Variants in EMP2 observed in about 807,000 individuals in gnomAD.
The protein encoded by EMP2 is epithelial membrane protein 2.
In EMP2, 19 loss-of-function variants were observed where a neutral mutation model predicts 13.7. That is an observed-to-expected ratio of 1.38 (90% CI 0.97 to 2.03). The LOEUF (loss-of-function observed/expected upper bound fraction) is 2.03. EMP2 is among the 30% of genes most tolerant of loss of function. EMP2 has a pLI of 0.00. For synonymous variants in EMP2, 97 were observed against 84.7 expected, an observed-to-expected ratio of 1.15 and a Z score of -0.80; for missense variants, 253 against 220.7, an observed-to-expected ratio of 1.15 and a Z score of -0.93.
At chr16:10,562,555 A>G (rs1032659605) in intron 1 of EMP2, among the ~76,000 whole-genome samples, 1 of 152,134 alleles carries the variant, frequency 6.6e-6, no homozygotes, top group South Asian at 2.1e-4. Context: ...AGACACATGA[A>G]TGAGCCCAGC....
rs1472585082 is a variant in EMP2 at position 10,550,955 on chromosome 16, ACAGAGAGAGATTC to A, written c.-60-3291_-60-3279del. On this transcript the variant is annotated intron_variant, in intron 1 of 4. Coordinates refer to ENST00000359543, the MANE Select transcript of EMP2 (RefSeq NM_001424.6). ...GCGCCACTGCACTCCAGCCTGGGTG[ACAGAGAGAGATTC>A]CATCTCAAAAAAAAAAAAATTGTAG... Among the ~76,000 whole-genome samples the A allele has an allele frequency of 2.1e-5, 3 of 145,604 alleles. No homozygotes were observed. In the East Asian group the frequency reaches 6.0e-4, roughly 29 times the overall value.
At chr16:10,560,800 A>G (rs1265683592) in intron 1 of EMP2, among the ~76,000 whole-genome samples, 2 of 152,012 alleles carry the variant, frequency 1.3e-5, no homozygotes, top group African/African-American at 2.4e-5. Flanking sequence ...GGAGTTCGGG[A>G]CGCCCCACAG....
At chr16:10,578,434 G>T (rs528547976) in intron 1 of EMP2, among the ~76,000 whole-genome samples, 1 of 152,158 alleles carries the variant, frequency 6.6e-6, no homozygotes, top group African/African-American at 2.4e-5. Flanking sequence ...AAGCGGGGGC[G>T]GTTTGCTAAA....
chr16:10,538,182 G>A (rs2050665728), intron 3 of EMP2, 108 bp from the exon 4 acceptor site: 1 of 1,383,622 alleles, frequency 7.2e-7, no homozygotes, highest in African/African-American at 1.4e-5. Context: ...GAGGCAAACA[G>A]GAAGGGGTTC....
chr16:10,576,139 G>A (rs1373291163), intron 1 of EMP2, among the ~76,000 whole-genome samples: 3 of 151,898 alleles, frequency 2.0e-5, no homozygotes, highest in African/African-American at 7.3e-5. Context: ...AAGTATCTGT[G>A]AAACCATGGG....
chr16:10,531,755 GAATGA>G lies in EMP2; in HGVS notation c.*1145_*1149del, dbSNP rs2142163777. ...CAAGTTATGATTTATGTTGATGAAT[GAATGA>G]ATGAATGAATGAATGAATGAATGAA... On this transcript the variant is annotated 3_prime_UTR_variant, in exon 5 of 5. Coordinates refer to ENST00000359543, the MANE Select transcript of EMP2 (RefSeq NM_001424.6). 5.3e-5 allele frequency: 1 copy of G among 18,970 alleles called. No individual in the cohort carries two copies. The highest frequency in any genetic ancestry group is 1.3e-4 in the African/African-American group (1 of 7,430). The allele number at this position is 18,970 out of a possible 1,614,324, so 1.2% of individuals were successfully genotyped here. A position where few individuals can be genotyped will look rare whatever the true frequency, so the allele number is the denominator to read the frequency against.
At chr16:10,541,664 A>C (rs1363472616) in intron 3 of EMP2, among the ~76,000 whole-genome samples, 1 of 152,136 alleles carries the variant, frequency 6.6e-6, no homozygotes, top group East Asian at 1.9e-4. Context: ...CCAGGGCCAG[A>C]GGTTAGCATG....
At chr16:10,541,612 C>T (rs1327590510) in intron 3 of EMP2, among the ~76,000 whole-genome samples, 1 of 152,152 alleles carries the variant, frequency 6.6e-6, no homozygotes, top group Non-Finnish European at 1.5e-5. Flanking sequence ...TGCACACTGG[C>T]GACAGCTGGG....
chr16:10,537,476 C>G (rs2050656141), intron 4 of EMP2, among the ~76,000 whole-genome samples: 1 of 152,170 alleles, frequency 6.6e-6, no homozygotes, highest in Non-Finnish European at 1.5e-5. Flanking sequence ...CTGCAAGACT[C>G]CATGGGGCGT....
intron 3 of EMP2, among the ~76,000 whole-genome samples, chr16:10,542,949 A>C (rs2050711797): frequency 6.6e-6 from 1 of 152,298 alleles, no homozygotes; most frequent in Non-Finnish European, 1.5e-5. Flanking sequence ...GGATTCAAGC[A>C]ATTCTCTTGC....
intron 3 of EMP2, among the ~76,000 whole-genome samples, chr16:10,540,399 G>C (rs989358754): frequency 2.6e-5 from 4 of 152,068 alleles, no homozygotes; most frequent in Non-Finnish European, 5.9e-5. Flanking sequence ...CCAGCTACTT[G>C]GGAGTTTGAG....
intron 1 of EMP2, among the ~76,000 whole-genome samples, chr16:10,571,535 G>C (rs1375482217): frequency 6.6e-6 from 1 of 152,200 alleles, no homozygotes; most frequent in African/African-American, 2.4e-5. Flanking sequence ...CTCTGAGTCA[G>C]ATCATGTAAG....
chr16:10,535,657 CCATGATCACGCCA>C (rs2142168446), intron 4 of EMP2, among the ~76,000 whole-genome samples: 1 of 152,240 alleles, frequency 6.6e-6, no homozygotes, highest in East Asian at 1.9e-4. Context: ...CTGCAGTGAG[CCATGATCACGCCA>C]CTGTACTTCA....
At position 10,543,649 on chromosome 16, in the gene EMP2, TACC is replaced by T. The variant is rs1450995651; in HGVS notation, c.87_89del (p.Trp29_Val30delinsTer). The T allele has an allele frequency of 1.2e-6, 2 of 1,613,956 alleles. No homozygotes were observed. The highest frequency in any genetic ancestry group is 2.7e-5 in the African/African-American group (2 of 74,926). The stretch of plus-strand genomic sequence containing the variant: ...AGACATCTGCAAAAAACTCATCTCC[TACC>T]CACCAGGCCTGTAACACAAAATGGA... On this transcript the variant is annotated stop_gained and inframe_deletion, in exon 3 of 5. Coordinates refer to ENST00000359543, the MANE Select transcript of EMP2 (RefSeq NM_001424.6). LOFTEE classifies it high-confidence loss of function.
chr16:10,537,789 C>G (rs1039196100), intron 4 of EMP2, 139 bp downstream of exon 4: 2 of 1,056,444 alleles, frequency 1.9e-6, no homozygotes, highest in African/African-American at 3.2e-5. Flanking sequence ...CACGCAAACA[C>G]ACACCGGCAC....
At chr16:10,549,857 CTTTTCTTTTCTTTTTTTTTCTTTTTCT>C (rs1651039728) in intron 1 of EMP2, among the ~76,000 whole-genome samples, 1 of 137,080 alleles carries the variant, frequency 7.3e-6, no homozygotes, top group Admixed American at 7.2e-5. Flanking sequence ...TCTTTCTTTT[CTTTTCTTTTCTTTTTTTTTCTTTTTCT>C]TTTTTTTTTT....
intron 1 of EMP2, among the ~76,000 whole-genome samples, chr16:10,567,420 G>A (rs552545902): frequency 1.4e-4 from 22 of 152,252 alleles, no homozygotes; most frequent in African/African-American, 5.3e-4. Context: ...AGGGCAGGGA[G>A]CATGAATAAT....
intron 2 of EMP2, chr16:10,545,980 G>A (rs576745664): frequency 6.8e-4 from 103 of 152,308 alleles, no homozygotes; most frequent in African/African-American, 2.4e-3. Flanking sequence ...AGGAGCCTCT[G>A]GAATGGCTCA....
rs1026429883 is a variant in EMP2 at position 10,532,641 on chromosome 16, G to T, written c.*264C>A. ...TTTGAGCATTGCTGGATTTTTGCTTGTGTCTTGTTGAGACTTTTGAGTGGG... is the reference window on the plus strand; with the variant it reads ...TTTGAGCATTGCTGGATTTTTGCTTTTGTCTTGTTGAGACTTTTGAGTGGG... On this transcript the variant is annotated 3_prime_UTR_variant, in exon 5 of 5. Coordinates refer to ENST00000359543, the MANE Select transcript of EMP2 (RefSeq NM_001424.6). The T allele has an allele frequency of 1.3e-5, 3 of 237,572 alleles. No individual in the cohort carries two copies. Among genetic ancestry groups the T allele is most frequent in the Non-Finnish European group, 2.4e-5 (3 of 125,780 alleles). 14.7% of individuals were successfully genotyped at this position (237,572 alleles called of 1,614,324 possible). A position where few individuals can be genotyped will look rare whatever the true frequency, so the allele number is the denominator to read the frequency against.
Sources: allele counts gnomAD v4.1 joint callset (sites outside exome capture counted in the v4.1 genomes callset), GRCh38; gene constraint gnomAD v4.1.1; transcripts MANE v1.5; gene names NCBI Gene and HGNC (gene_info 2026-07-23, HGNC 2026-07-21).